Variants in RARB observed in about 807,000 individuals in gnomAD.
RARB encodes HBV-activated protein.
Under a neutral mutation model 51.9 loss-of-function variants are expected in RARB, and 17 were observed. The observed-to-expected ratio is 0.33, with a 90% CI of 0.22 to 0.49. RARB has a LOEUF of 0.49. Ranked by LOEUF, RARB falls within the 20% of genes least tolerant of loss-of-function variation. The pLI is 0.99. For missense variants in RARB, 369 were observed against 550.8 expected (o/e 0.67, Z 3.30); for synonymous variants, 215 against 195.4 (o/e 1.10, Z -0.84).
intron 2 of RARB, among the ~76,000 whole-genome samples, chr3:25,477,887 A>G (rs977754306): frequency 2.0e-5 from 3 of 152,188 alleles, no homozygotes; most frequent in Non-Finnish European, 4.4e-5. Flanking sequence ...GGCCCAGCTG[A>G]TGACAGTCAA....
At position 25,062,508 on chromosome 3, in the gene RARB, G is replaced by C. The variant is rs910835971; in HGVS notation, c.-328+2332G>C. On this transcript the variant is annotated intron_variant, in intron 3 of 11. Coordinates refer to the RARB transcript ENST00000383772. ...TCTACAAGGTTACTTAAGTTCACAT[G>C]ATACATGTTCAAAATGTTCACTGTG... is the stretch of plus-strand genomic sequence containing the variant. 2.0e-5 allele frequency among the ~76,000 whole-genome samples: 3 copies of C among 151,998 alleles called. No individual in the cohort carries two copies. In the East Asian group the frequency reaches 5.8e-4, roughly 29 times the overall value.
chr3:25,524,274 C>A (rs370949954), intron 3 of RARB, among the ~76,000 whole-genome samples: 16 of 152,288 alleles, frequency 1.1e-4, no homozygotes, highest in Middle Eastern at 3.4e-3. Flanking sequence ...TAATGACCTA[C>A]TTTTGTTACC....
At chr3:25,271,799 C>G (rs1328136096) in intron 5 of RARB, among the ~76,000 whole-genome samples, 2 of 152,136 alleles carry the variant, frequency 1.3e-5, no homozygotes, top group Non-Finnish European at 2.9e-5. Flanking sequence ...TTGTCAAAAA[C>G]CATTTTCTAG....
At chr3:25,185,834 G>T (rs777319034) in intron 5 of RARB, among the ~76,000 whole-genome samples, 1 of 151,990 alleles carries the variant, frequency 6.6e-6, no homozygotes, top group South Asian at 2.1e-4. Flanking sequence ...CAAAGAATTC[G>T]TATGCCACTA....
chr3:25,392,792 A>C lies in RARB; in HGVS notation c.179-68401A>C, dbSNP rs139293726. On this transcript the variant is annotated intron_variant, in intron 5 of 11. Transcript: ENST00000383772. The stretch of plus-strand genomic sequence containing the variant: ...ATCAGATTTAGGAGCTTTTTGGATG[A>C]GTCTTTAGGGTTTTCTAGGTATACA... Among the ~76,000 whole-genome samples the C allele has an allele frequency of 7.9e-4, 120 of 152,220 alleles. 1 individual carries two copies. The highest frequency in any genetic ancestry group is 1.3e-3 in the Non-Finnish European group (85 of 67,974).
At chr3:25,577,752 A>G (rs927485026) in intron 4 of RARB, among the ~76,000 whole-genome samples, 1 of 152,224 alleles carries the variant, frequency 6.6e-6, no homozygotes, top group Non-Finnish European at 1.5e-5. Flanking sequence ...GAACCAAACC[A>G]GCAGAAGAAA....
At chr3:24,838,089 G>C (rs1702366385) in intron 1 of RARB, among the ~76,000 whole-genome samples, 1 of 152,172 alleles carries the variant, frequency 6.6e-6, no homozygotes. Flanking sequence ...TAAGACTAAA[G>C]TCCCTATTTC....
intron 5 of RARB, among the ~76,000 whole-genome samples, chr3:25,345,705 T>G (rs1705371346): frequency 6.6e-6 from 1 of 151,838 alleles, no homozygotes; most frequent in African/African-American, 2.4e-5. Context: ...AGGACTAAAT[T>G]TAAGTGGAAT....
Position 24,994,002 on chromosome 3 carries a change from T to G in RARB, c.-379-66123T>G, listed in dbSNP as rs534723792. Among the ~76,000 whole-genome samples, 10 of 152,286 alleles carry G rather than the reference T, an allele frequency of 6.6e-5. No individual in the cohort carries two copies. In the South Asian group the frequency reaches 2.1e-3, roughly 32 times the overall value. ...TGTGTCTTTGAAACAATGATTTTCT[T>G]TCCTTTGGATAAATTCCCAGTAGTG... On this transcript the variant is annotated intron_variant, in intron 2 of 11. Coordinates refer to the RARB transcript ENST00000383772.
At chr3:25,235,367 C>CT (rs1366627941) in intron 5 of RARB, among the ~76,000 whole-genome samples, 1 of 151,992 alleles carries the variant, frequency 6.6e-6, no homozygotes, top group Non-Finnish European at 1.5e-5. Flanking sequence ...ACAGATGCTT[C>CT]TGGAAGTTGG....
At chr3:25,007,601 AAAAC>A (rs1193275498) in intron 2 of RARB, among the ~76,000 whole-genome samples, 2 of 144,654 alleles carry the variant, frequency 1.4e-5, no homozygotes, top group East Asian at 2.0e-4. Context: ...TCAAAAAAAA[AAAAC>A]AAAAAAACCT....
In RARB at chr3:25,338,993, T is replaced by C. The variant is rs146567187; in HGVS notation, c.179-122200T>C. On this transcript the variant is annotated intron_variant, in intron 5 of 11. Coordinates refer to the RARB transcript ENST00000383772. ...CTCACTACTTTCCATATAATAAATATTTGATTATCACCTCACCTGAGACTG... is the reference window on the plus strand; with the variant it reads ...CTCACTACTTTCCATATAATAAATACTTGATTATCACCTCACCTGAGACTG... Among the ~76,000 whole-genome samples, 771 of 152,278 alleles carry C rather than the reference T, an allele frequency of 5.1e-3. 17 individuals carry two copies. The highest frequency in any genetic ancestry group is 0.047 in the Admixed American group (718 of 15,284).
At position 25,393,791 on chromosome 3, in the gene RARB, A is replaced by C. The variant is rs374451675; in HGVS notation, c.179-67402A>C. Among the ~76,000 whole-genome samples the C allele has an allele frequency of 6.2e-4, 94 of 151,840 alleles. 2 individuals carry two copies. In the South Asian group the frequency reaches 0.018, roughly 30 times the overall value. On this transcript the variant is annotated intron_variant, in intron 5 of 11. Transcript: ENST00000383772. ...TTCATTTCTAATTGAGCTTATTTGG[A>C]TCTTCTCTCTTCTTTTCTTGGTTAA...
intron 2 of RARB, among the ~76,000 whole-genome samples, chr3:25,052,315 A>C (rs922526863): frequency 2.0e-5 from 3 of 152,168 alleles, no homozygotes; most frequent in Admixed American, 1.3e-4. Flanking sequence ...TGCCTCCCAA[A>C]TTCTATTACA....
chr3:25,046,752 G>T (rs982313245), intron 2 of RARB, among the ~76,000 whole-genome samples: 7 of 152,072 alleles, frequency 4.6e-5, no homozygotes, highest in African/African-American at 1.7e-4. Flanking sequence ...ACCACTCCTG[G>T]CCTATAATTG....
intron 5 of RARB, among the ~76,000 whole-genome samples, chr3:25,176,838 T>C (rs1168265150): frequency 6.6e-6 from 1 of 152,214 alleles, no homozygotes; most frequent in African/African-American, 2.4e-5. Flanking sequence ...AAGATGCCAT[T>C]ACTGTTAGAT....
At chr3:24,872,327 C>G (rs990824657) in intron 2 of RARB, among the ~76,000 whole-genome samples, 6 of 152,288 alleles carry the variant, frequency 3.9e-5, no homozygotes, top group Middle Eastern at 3.4e-3. Context: ...CTGGAATGTT[C>G]TTACCTAATC....
At chr3:25,181,387 T>C (rs1700857012) in intron 5 of RARB, among the ~76,000 whole-genome samples, 1 of 152,198 alleles carries the variant, frequency 6.6e-6, no homozygotes, top group Non-Finnish European at 1.5e-5. Flanking sequence ...ATCTAACACA[T>C]GGGACATAGT....
chr3:25,271,127 G>A (rs2125411407), intron 5 of RARB, among the ~76,000 whole-genome samples: 1 of 152,318 alleles, frequency 6.6e-6, no homozygotes, highest in African/African-American at 2.4e-5. Flanking sequence ...TCAAAATGAG[G>A]TTGGTCAGAG....
Sources: allele counts gnomAD v4.1 joint callset (sites outside exome capture counted in the v4.1 genomes callset), GRCh38; gene constraint gnomAD v4.1.1; transcripts MANE v1.5; gene names NCBI Gene and HGNC (gene_info 2026-07-23, HGNC 2026-07-21).